ULK4: variants seen among roughly 807,000 people sequenced by gnomAD.
The protein encoded by ULK4 is unc-51 like kinase 4.
Under a neutral mutation model 160.6 loss-of-function variants are expected in ULK4, and 133 were observed. The ratio of observed to expected loss-of-function variants is 0.83; its 90% confidence interval spans 0.72 to 0.96. The LOEUF is 0.96. ULK4 is among the 40% of genes least tolerant of loss of function. The pLI is 0.00. For synonymous variants in ULK4, 534 were observed against 539.8 expected (o/e 0.99, Z 0.15); for missense variants, 1,580 against 1,499.5 (o/e 1.05, Z -0.89).
intron 2 of ULK4, among the ~76,000 whole-genome samples, chr3:41,950,264 G>A (rs905003916): frequency 5.3e-5 from 8 of 150,454 alleles, no homozygotes; most frequent in East Asian, 2.0e-4. Context: ...TTTTTGAGAC[G>A]GAGTCTCGCC....
At chr3:41,510,056 CCAAA>C (rs771803493) in intron 32 of ULK4, among the ~76,000 whole-genome samples, 2 of 152,164 alleles carry the variant, frequency 1.3e-5, no homozygotes, top group Non-Finnish European at 2.9e-5. Flanking sequence ...TAAAAATTCA[CCAAA>C]CAAATTTCTG....
intron 13 of ULK4, among the ~76,000 whole-genome samples, chr3:41,899,913 C>T (rs1698291238): frequency 6.6e-6 from 1 of 152,070 alleles, no homozygotes; most frequent in Non-Finnish European, 1.5e-5. Flanking sequence ...CAAGAACCTT[C>T]ATGGTCTAAA....
At chr3:41,959,590 G>A (rs183327609) in intron 1 of ULK4, among the ~76,000 whole-genome samples, 142 of 151,966 alleles carry the variant, frequency 9.3e-4, no homozygotes, top group African/African-American at 2.9e-3. Context: ...TTTTAATGAC[G>A]GTTTCCCTAA....
chr3:41,935,209 ATTTTTTTTTTTTT>A lies in ULK4; in HGVS notation c.378+579_378+591del, dbSNP rs10524611. On this transcript the variant is annotated intron_variant, in intron 4 of 36. Coordinates refer to ENST00000301831, the MANE Select transcript of ULK4 (RefSeq NM_017886.4). ...TTTTTGTGTTTTTATTTATTTATTT[ATTTTTTTTTTTTT>A]TTTTTTTTTTTTTTTTTTTTTTTGA... is the stretch of plus-strand genomic sequence containing the variant. Among the ~76,000 whole-genome samples the A allele has an allele frequency of 5.8e-3, 789 of 135,612 alleles. 20 individuals are homozygous for A. Among genetic ancestry groups the A allele is most frequent in the African/African-American group, 0.024 (729 of 30,638 alleles). 89.0% of individuals were successfully genotyped at this position (135,612 alleles called of 152,430 possible).
intron 34 of ULK4, among the ~76,000 whole-genome samples, chr3:41,422,143 T>G (rs1439500285): frequency 1.3e-5 from 2 of 152,138 alleles, no homozygotes; most frequent in African/African-American, 2.4e-5. Flanking sequence ...TAAATAGTCC[T>G]TGAAAGTGTT....
At chr3:41,257,195 T>A (rs1266472018) in intron 35 of ULK4, among the ~76,000 whole-genome samples, 1 of 152,196 alleles carries the variant, frequency 6.6e-6, no homozygotes, top group East Asian at 1.9e-4. Context: ...TGCAGTGCAA[T>A]ACCTATTAGA....
At chr3:41,507,870 A>C (rs2125921440) in intron 32 of ULK4, among the ~76,000 whole-genome samples, 1 of 152,284 alleles carries the variant, frequency 6.6e-6, no homozygotes, top group Admixed American at 6.5e-5. Flanking sequence ...GAGTGTGTGG[A>C]GATACATTGT....
At chr3:41,936,083 G>T in intron 3 of ULK4, 143 bp from the exon 4 acceptor site, 1 of 1,066,018 alleles carries the variant, frequency 9.4e-7, no homozygotes, top group Non-Finnish European at 1.3e-6. Context: ...ACACACATGT[G>T]AGTAAATACA....
chr3:41,925,255 G>A (rs1699337430), intron 5 of ULK4, among the ~76,000 whole-genome samples: 1 of 152,200 alleles, frequency 6.6e-6, no homozygotes, highest in Admixed American at 6.5e-5. Context: ...ACAGAGGGCA[G>A]GCAGAAGCAA....
At chr3:41,394,419 G>T (rs1043070191) in intron 35 of ULK4, among the ~76,000 whole-genome samples, 1 of 151,978 alleles carries the variant, frequency 6.6e-6, no homozygotes, top group Non-Finnish European at 1.5e-5. Flanking sequence ...AATGTAAGTC[G>T]AAAATGCATT....
intron 34 of ULK4, among the ~76,000 whole-genome samples, chr3:41,448,897 T>C (rs2083365112): frequency 6.6e-6 from 1 of 152,172 alleles, no homozygotes; most frequent in Non-Finnish European, 1.5e-5. Context: ...TATTATTTTA[T>C]TTTTTCAAGA....
intron 30 of ULK4, among the ~76,000 whole-genome samples, chr3:41,658,034 C>CA (rs1041747635): frequency 2.3e-4 from 35 of 151,996 alleles, no homozygotes; most frequent in African/African-American, 8.2e-4. Flanking sequence ...AGAAATAGAA[C>CA]AAAAAATATT....
At chr3:41,314,387 A>G (rs4973935) in intron 35 of ULK4, among the ~76,000 whole-genome samples, 23,584 of 151,652 alleles carry the variant, frequency 0.16, 2,183 homozygotes, top group African/African-American at 0.25. Context: ...GGAGTCTCCA[A>G]TGTCTATTAT....
intron 32 of ULK4, among the ~76,000 whole-genome samples, chr3:41,514,225 C>T (rs369062919): frequency 9.9e-5 from 15 of 152,026 alleles, no homozygotes; most frequent in African/African-American, 3.6e-4. Flanking sequence ...GAGAACTGAG[C>T]CCAGTTAAAG....
intron 35 of ULK4, among the ~76,000 whole-genome samples, chr3:41,290,210 T>G (rs1465106801): frequency 1.3e-5 from 2 of 152,208 alleles, no homozygotes; most frequent in Non-Finnish European, 2.9e-5. Flanking sequence ...GTAAGCTTTC[T>G]GTCATAAGAT....
At chr3:41,369,866 T>C (rs975077625) in intron 35 of ULK4, among the ~76,000 whole-genome samples, 5 of 151,922 alleles carry the variant, frequency 3.3e-5, no homozygotes, top group Admixed American at 2.6e-4. Flanking sequence ...AAACAATACT[T>C]TGTGTACTGA....
At chr3:41,602,344 AG>A (rs1440006283) in intron 31 of ULK4, among the ~76,000 whole-genome samples, 1 of 145,010 alleles carries the variant, frequency 6.9e-6, no homozygotes, top group East Asian at 2.0e-4. Flanking sequence ...GAAAGGAGGA[AG>A]GGAAAGGAAA....
chr3:41,745,884 AAT>A (rs2038401865), intron 22 of ULK4, among the ~76,000 whole-genome samples: 1 of 151,672 alleles, frequency 6.6e-6, no homozygotes, highest in Non-Finnish European at 1.5e-5. Flanking sequence ...CAGCTAAAAA[AAT>A]CATATTGTTA....
intron 32 of ULK4, among the ~76,000 whole-genome samples, chr3:41,537,093 A>T (rs562179860): frequency 3.3e-5 from 5 of 152,210 alleles, no homozygotes; most frequent in East Asian, 3.9e-4. Flanking sequence ...AGAAGCACTC[A>T]TCTCCATCAA....
Sources: allele counts gnomAD v4.1 joint callset (sites outside exome capture counted in the v4.1 genomes callset), GRCh38; gene constraint gnomAD v4.1.1; transcripts MANE v1.5; gene names NCBI Gene and HGNC (gene_info 2026-07-23, HGNC 2026-07-21).